NUDT14: variants seen among roughly 807,000 people sequenced by gnomAD.
NUDT14 encodes the protein nudix hydrolase 14.
Under a neutral mutation model 17.5 loss-of-function variants are expected in NUDT14, and 22 were observed. That is an observed-to-expected ratio of 1.26 (90% confidence interval 0.90 to 1.80). The LOEUF is 1.80. Among genes scored for constraint, NUDT14 ranks in the 40% most tolerant of loss-of-function variants. NUDT14 has a pLI of 0.00. For missense variants in NUDT14, 296 were observed against 295.6 expected (o/e 1.00, Z -0.01); for synonymous variants, 129 against 125.8 (o/e 1.03, Z -0.17).
At chr14:105,175,955 C>T in intron 4 of NUDT14, 1 of 1,266,644 alleles carries the variant, frequency 7.9e-7, no homozygotes, top group Non-Finnish European at 1.0e-6. Context: ...TCCCCAAGAC[C>T]TCAGCTGGGG....
intron 1 of NUDT14, 137 bp from the exon 2 acceptor site, chr14:105,177,872 A>C: frequency 1.4e-6 from 1 of 721,386 alleles, no homozygotes; most frequent in Non-Finnish European, 2.4e-6. Flanking sequence ...GGAGCCAGGA[A>C]CTGCAGCTCC....
At chr14:105,174,618 A>G (rs587707433) in intron 4 of NUDT14, among the ~76,000 whole-genome samples, 17 of 152,136 alleles carry the variant, frequency 1.1e-4, no homozygotes, top group African/African-American at 4.1e-4. Context: ...CCCCTTCCTG[A>G]TGGCCCATTT....
chr14:105,177,156 T>G, intron 2 of NUDT14, 129 bp from the exon 3 acceptor site: 1 of 833,026 alleles, frequency 1.2e-6, no homozygotes, highest in Non-Finnish European at 2.0e-6. Context: ...GTCAGGCCCC[T>G]TGCTCAGATA....
At chr14:105,176,021 A>C in intron 4 of NUDT14, 6 of 1,238,016 alleles carry the variant, frequency 4.8e-6, no homozygotes, top group Non-Finnish European at 5.2e-6. Context: ...ACCAACATCT[A>C]GTCCTGGGAA....
intron 1 of NUDT14, among the ~76,000 whole-genome samples, chr14:105,180,792 C>G (rs1275796950): frequency 6.6e-6 from 1 of 152,200 alleles, no homozygotes; most frequent in African/African-American, 2.4e-5. Context: ...GCCACCACTT[C>G]CAGGAAGCCT....
intron 4 of NUDT14, among the ~76,000 whole-genome samples, chr14:105,174,054 C>T (rs1889161241): frequency 6.6e-6 from 1 of 151,968 alleles, no homozygotes; most frequent in African/African-American, 2.4e-5. Context: ...GCACTGACCG[C>T]CCCCCCACCC....
rs1889326073 is a variant in NUDT14 at position 105,181,296 on chromosome 14, C to T, written c.-87G>A. On this transcript the variant is annotated 5_prime_UTR_variant, in exon 1 of 5. Transcript: ENST00000392568. The surrounding 1 kb of genome is among the most constrained non-coding windows in gnomAD (Gnocchi z 5.0). Reference sequence around the variant, plus strand: ...GTCCCGACAGGAGCCTTCGGGCGGGCGCGTGACCGCGGCTCTGAGCATGCT... The same window carrying T: ...GTCCCGACAGGAGCCTTCGGGCGGGTGCGTGACCGCGGCTCTGAGCATGCT... The T allele has an allele frequency of 5.7e-6, 3 of 529,678 alleles. No individual in the cohort carries two copies. The highest frequency in any genetic ancestry group is 7.5e-6 in the Non-Finnish European group (3 of 400,726). The allele number at this position is 529,678 out of a possible 1,614,324, so 32.8% of individuals were successfully genotyped here.
At position 105,176,610 on chromosome 14, in the gene NUDT14, C is replaced by A. The variant is rs372965453; in HGVS notation, c.352G>T (p.Val118Leu). The A allele has an allele frequency of 6.2e-7, 1 of 1,612,668 alleles. No homozygotes were observed. Among genetic ancestry groups the A allele is most frequent in the Non-Finnish European group, 8.5e-7 (1 of 1,179,984 alleles). The stretch of plus-strand genomic sequence containing the variant: ...TCCTCCCAAGCCTCCTTGCAAGCCA[C>A]TTCCTCCAGCGAGAGCCCAGGCTGG... ...VDQPGLSLEE[V>L]ACKEAWEECG... The change falls in exon 4 of 5, where the codon GTG (valine) becomes TTG (leucine). Residue 118 changes from valine (V) to leucine (L), a missense_variant. Val to Leu is a conservative substitution (Grantham distance 32). Coordinates refer to ENST00000392568, the MANE Select transcript of NUDT14 (RefSeq NM_177533.5).
intron 3 of NUDT14, 23 bp downstream of exon 3, chr14:105,176,940 C>G: frequency 6.2e-7 from 1 of 1,609,538 alleles, no homozygotes; most frequent in East Asian, 2.2e-5. Context: ...TGCAGATCCC[C>G]TTCCCACCCC....
chr14:105,176,604 A>G lies in NUDT14; in HGVS notation c.358T>C (p.Cys120Arg). 6.2e-7 allele frequency: 1 copy of G among 1,612,690 alleles called. No individual in the cohort carries two copies. The highest frequency in any genetic ancestry group is 1.1e-5 in the South Asian group (1 of 91,076). The stretch of plus-strand genomic sequence containing the variant: ...CCACACTCCTCCCAAGCCTCCTTGC[A>G]AGCCACTTCCTCCAGCGAGAGCCCA... ...QPGLSLEEVA[C>R]KEAWEECGYH... is the part of the protein sequence containing the mutation. The change falls in exon 4 of 5, where the codon TGC becomes CGC. Residue 120 changes from cysteine (C) to arginine (R), a missense_variant. Coordinates refer to ENST00000392568, the MANE Select transcript of NUDT14 (RefSeq NM_177533.5).
chr14:105,176,812 T>C (rs746981498), intron 3 of NUDT14, 41 bp from the exon 4 acceptor site: 7 of 1,594,546 alleles, frequency 4.4e-6, no homozygotes, highest in Non-Finnish European at 6.0e-6. Context: ...AGCCACGTGG[T>C]GGCCACCTCC....
At chr14:105,176,056 C>A in intron 4 of NUDT14, 1 of 1,162,048 alleles carries the variant, frequency 8.6e-7, no homozygotes, top group Non-Finnish European at 1.1e-6. Flanking sequence ...AGCTGGCAGC[C>A]CTCGCGGGGC....
intron 4 of NUDT14, among the ~76,000 whole-genome samples, chr14:105,174,890 G>A (rs1295238260): frequency 6.6e-6 from 1 of 152,202 alleles, no homozygotes; most frequent in African/African-American, 2.4e-5. Flanking sequence ...ATCAGAGACA[G>A]GGAGCCACGG....
chr14:105,180,622 G>A (rs773408075), intron 1 of NUDT14, among the ~76,000 whole-genome samples: 5 of 152,084 alleles, frequency 3.3e-5, no homozygotes, highest in Non-Finnish European at 7.4e-5. Flanking sequence ...CTCCAAGGAG[G>A]TGCCCTCCCT....
In NUDT14 at chr14:105,176,601, T is replaced by G. The variant is rs748716510; in HGVS notation, c.361A>C (p.Lys121Gln). Residue 121 changes from lysine to glutamine, a missense_variant, in exon 4 of 5, where the codon AAG becomes CAG. Physicochemically the swap from Lys to Gln is moderately conservative, Grantham distance 53 (BLOSUM62 1). Coordinates refer to ENST00000392568, the MANE Select transcript of NUDT14 (RefSeq NM_177533.5). The stretch of plus-strand genomic sequence containing the variant: ...TAGCCACACTCCTCCCAAGCCTCCT[T>G]GCAAGCCACTTCCTCCAGCGAGAGC... ...PGLSLEEVAC[K>Q]EAWEECGYHL... 3.1e-6 allele frequency: 5 copies of G among 1,612,620 alleles called. No homozygotes were observed. The highest frequency in any genetic ancestry group is 4.2e-6 in the Non-Finnish European group (5 of 1,179,908).
chr14:105,178,353 C>G (rs587678825), intron 1 of NUDT14, among the ~76,000 whole-genome samples: 1 of 152,096 alleles, frequency 6.6e-6, no homozygotes, highest in Non-Finnish European at 1.5e-5. Context: ...GCAGCCCCCC[C>G]ACACACCCCT....
chr14:105,178,966 C>T (rs587739679), intron 1 of NUDT14, among the ~76,000 whole-genome samples: 17 of 152,210 alleles, frequency 1.1e-4, no homozygotes, highest in African/African-American at 3.1e-4. Context: ...TCCCGGGAGG[C>T]GACCCCAGGC....
intron 4 of NUDT14, 102 bp downstream of exon 4, chr14:105,176,432 C>T (rs1470369396): frequency 2.0e-6 from 2 of 992,000 alleles, no homozygotes; most frequent in Non-Finnish European, 3.2e-6. Context: ...TGTTGGAAAA[C>T]AAGGAGGAAT....
At chr14:105,176,112 G>T in intron 4 of NUDT14, 3 of 705,388 alleles carry the variant, frequency 4.3e-6, no homozygotes, top group Non-Finnish European at 6.0e-6. Flanking sequence ...CAAAGCGCAG[G>T]CTCTAGTGCC....
Sources: gnomAD v4.1 joint callset for allele counts (sites outside exome capture counted in the v4.1 genomes callset) on GRCh38, gnomAD v4.1.1 for gene constraint, Gnocchi (gnomAD v3.1) non-coding constraint, MANE v1.5 for transcripts, NCBI Gene and HGNC (gene_info 2026-07-23, HGNC 2026-07-21) for gene names.